Variants in SPTBN1 observed in about 807,000 individuals in gnomAD.
SPTBN1 encodes spectrin beta, non-erythrocytic 1.
Under a neutral mutation model 266.4 loss-of-function variants are expected in SPTBN1, and 32 were observed. That is an observed-to-expected ratio of 0.12 (90% CI 0.09 to 0.16). The LOEUF is 0.16. Ranked by LOEUF, SPTBN1 falls within the 10% of genes least tolerant of loss-of-function variation. SPTBN1 has a pLI of 1.00. For synonymous variants in SPTBN1, 1,336 were observed against 1,162.2 expected, an observed-to-expected ratio of 1.15 and a Z score of -3.04; for missense variants, 2,296 against 3,067.1, an observed-to-expected ratio of 0.75 and a Z score of 5.94.
chr2:54,535,892 C>T (rs777950638), intron 2 of SPTBN1, among the ~76,000 whole-genome samples: 1 of 152,194 alleles, frequency 6.6e-6, no homozygotes, highest in Non-Finnish European at 1.5e-5. Flanking sequence ...ACACCTGTTA[C>T]ATGTGAGTAA....
intron 1 of SPTBN1, among the ~76,000 whole-genome samples, chr2:54,459,474 T>C (rs1262156906): frequency 6.6e-6 from 1 of 152,246 alleles, no homozygotes; most frequent in Non-Finnish European, 1.5e-5. Context: ...AGTACTATTT[T>C]GACGTGGAAG....
chr2:54,562,696 TTGTGTGTGTG>T (rs55947327), intron 2 of SPTBN1, among the ~76,000 whole-genome samples: 22 of 122,598 alleles, frequency 1.8e-4, no homozygotes, highest in Non-Finnish European at 2.4e-4. Context: ...AAACCCTGCT[TTGTGTGTGTG>T]TGTGTGTGTG....
At chr2:54,615,612 G>T (rs1677551070) in intron 4 of SPTBN1, among the ~76,000 whole-genome samples, 2 of 152,194 alleles carry the variant, frequency 1.3e-5, no homozygotes, top group Non-Finnish European at 2.9e-5. Flanking sequence ...TGGGGAACCT[G>T]CCCAAGGGTA....
At position 54,623,558 on chromosome 2, in the gene SPTBN1, A is replaced by G. The variant is rs369151372; in HGVS notation, c.1144A>G (p.Met382Val). 3.1e-6 allele frequency: 5 copies of G among 1,614,192 alleles called. No individual in the cohort carries two copies. The highest frequency in any genetic ancestry group is 4.2e-6 in the Non-Finnish European group (5 of 1,180,008). ...KMRANNQKVY[M>V]PREGKLISDI... ...GAGGGCCAACAACCAGAAGGTCTAC[A>G]TGCCCCGGGAGGGGAAGCTCATCTC... Residue 382 changes from methionine to valine, a missense_variant, in exon 10 of 36, where the codon ATG (methionine) becomes GTG (valine). Physicochemically the swap from Met to Val is conservative, Grantham distance 21 (BLOSUM62 1). Around this residue, in one of 12 missense-constraint regions of SPTBN1, gnomAD observed 148 missense variants for 203.8 expected, o/e 0.73. Coordinates refer to ENST00000356805, the MANE Select transcript of SPTBN1 (RefSeq NM_003128.3).
chr2:54,603,879 A>G (rs1189828649), intron 3 of SPTBN1, among the ~76,000 whole-genome samples: 1 of 152,232 alleles, frequency 6.6e-6, no homozygotes, highest in Non-Finnish European at 1.5e-5. Context: ...TGCTGAGATC[A>G]GTGTCTTCTG....
At chr2:54,482,208 G>A (rs1193651505) in intron 1 of SPTBN1, among the ~76,000 whole-genome samples, 2 of 151,984 alleles carry the variant, frequency 1.3e-5, no homozygotes, top group Admixed American at 6.6e-5. Context: ...CATCCCCTGA[G>A]GAGACTTAAA....
intron 18 of SPTBN1, among the ~76,000 whole-genome samples, chr2:54,638,449 A>G (rs748960671): frequency 1.3e-5 from 2 of 152,254 alleles, no homozygotes; most frequent in African/African-American, 4.8e-5. Flanking sequence ...GGCTGTTCCC[A>G]TGTGTATCTA....
rs577313654 is a variant in SPTBN1, at chr2:54,598,525, A to G, written c.149-567A>G. 5.3e-5 allele frequency among the ~76,000 whole-genome samples: 8 copies of G among 152,298 alleles called. No individual in the cohort carries two copies. The South Asian group carries it at 1.7e-3, about 32-fold the overall frequency. On this transcript the variant is annotated intron_variant, in intron 2 of 35. Transcript: ENST00000356805. Reference sequence around the variant, plus strand: ...GGTGAAGACGGTCATTGCCAAGGTCATGAGTTAATTTATCTTGTCCAGTGT... The same window carrying G: ...GGTGAAGACGGTCATTGCCAAGGTCGTGAGTTAATTTATCTTGTCCAGTGT...
At position 54,612,428 on chromosome 2, in the gene SPTBN1, G is replaced by C. The variant is rs1210547951; in HGVS notation, c.474+94G>C. 4.4e-6 allele frequency: 6 copies of C among 1,360,530 alleles called. No individual in the cohort carries two copies. The South Asian group carries it at 6.3e-5, about 14-fold the overall frequency. 84.3% of individuals were successfully genotyped at this position (1,360,530 alleles called of 1,614,324 possible). ...CTGGCCTCCCTGTATCAGAGGGATCGGGAAGACCAGGTTGAAAGCATGTCT... is the reference window on the plus strand; with the variant it reads ...CTGGCCTCCCTGTATCAGAGGGATCCGGAAGACCAGGTTGAAAGCATGTCT... On this transcript the variant is annotated intron_variant, in intron 4 of 35. Transcript: ENST00000356805.
Position 54,618,071 on chromosome 2 carries a change from T to C in SPTBN1, c.648-7T>C, listed in dbSNP as rs1312530965. 5 of 1,609,240 alleles carry C rather than the reference T, an allele frequency of 3.1e-6. No homozygotes were observed. In the East Asian group the frequency reaches 8.9e-5, roughly 29 times the overall value. The stretch of plus-strand genomic sequence containing the variant: ...TTTTTGTTGTGTCCCACTGTTGTTC[T>C]GCACAGGCCTGACCTGATAGATTTT... On this transcript the variant is annotated splice_polypyrimidine_tract_variant and splice_region_variant and intron_variant, in intron 6 of 35. Transcript: ENST00000356805.
At chr2:54,615,963 CCT>C (rs1403214683) in intron 4 of SPTBN1, among the ~76,000 whole-genome samples, 1 of 152,190 alleles carries the variant, frequency 6.6e-6, no homozygotes. Flanking sequence ...GTAAAAATGA[CCT>C]CTGATAGGTG....
At chr2:54,660,403 C>A (rs1329950715) in intron 32 of SPTBN1, 3 of 1,109,028 alleles carry the variant, frequency 2.7e-6, no homozygotes, top group Non-Finnish European at 3.3e-6. Context: ...TAGAATCTAA[C>A]AGGTATGACA....
chr2:54,565,446 A>G (rs909219203), intron 2 of SPTBN1, among the ~76,000 whole-genome samples: 2 of 152,186 alleles, frequency 1.3e-5, no homozygotes, highest in Non-Finnish European at 2.9e-5. Flanking sequence ...TCTGCCTCAG[A>G]TGACCCTCAG....
chr2:54,574,446 A>G (rs886818122), intron 2 of SPTBN1, among the ~76,000 whole-genome samples: 3 of 152,200 alleles, frequency 2.0e-5, no homozygotes, highest in African/African-American at 7.2e-5. Flanking sequence ...AGCAGCCTAC[A>G]CGTTTCTTGA....
chr2:54,506,960 A>C (rs189387072), intron 1 of SPTBN1, among the ~76,000 whole-genome samples: 1,768 of 148,326 alleles, frequency 0.012, 14 homozygotes, highest in Non-Finnish European at 0.016. Flanking sequence ...GAGTCCAAAA[A>C]AGGAGTCAGC....
At chr2:54,604,220 G>A (rs1676686058) in intron 3 of SPTBN1, among the ~76,000 whole-genome samples, 1 of 152,120 alleles carries the variant, frequency 6.6e-6, no homozygotes, top group Non-Finnish European at 1.5e-5. Flanking sequence ...AGAGAAAGAA[G>A]GGGCAGGGAG....
At chr2:54,571,559 AC>A (rs1674079156) in intron 2 of SPTBN1, among the ~76,000 whole-genome samples, 1 of 65,334 alleles carries the variant, frequency 1.5e-5, no homozygotes, top group African/African-American at 8.1e-5. Flanking sequence ...ACACACACAC[AC>A]ACACACACAC....
intron 1 of SPTBN1, among the ~76,000 whole-genome samples, chr2:54,484,541 C>T (rs778338397): frequency 1.3e-4 from 20 of 152,076 alleles, no homozygotes; most frequent in South Asian, 6.2e-4. Context: ...GCTGGAAAGC[C>T]GAAAAAGAAT....
At chr2:54,513,453 T>G (rs1306909423) in intron 1 of SPTBN1, among the ~76,000 whole-genome samples, 1 of 152,252 alleles carries the variant, frequency 6.6e-6, no homozygotes, top group Non-Finnish European at 1.5e-5. Flanking sequence ...TGCTCCTGTG[T>G]TGTTCAGGCA....
Sources: allele counts gnomAD v4.1 joint callset (sites outside exome capture counted in the v4.1 genomes callset), GRCh38; gene constraint gnomAD v4.1.1; regional missense constraint gnomAD v4.1.1; transcripts MANE v1.5; gene names NCBI Gene and HGNC (gene_info 2026-07-23, HGNC 2026-07-21).